MYH8: variants seen among roughly 807,000 people sequenced by gnomAD.
MYH8 encodes the protein myosin heavy chain 8.
A neutral mutation model predicts 233.2 loss-of-function variants in MYH8; 168 were observed. The observed-to-expected ratio is 0.72, with a 90% CI of 0.64 to 0.82. The LOEUF is 0.82. MYH8 is among the 40% of genes least tolerant of loss of function. The pLI, the probability that MYH8 is intolerant of heterozygous loss-of-function variation, is 0.00. For missense variants in MYH8, 1,995 were observed against 2,327.8 expected, an observed-to-expected ratio of 0.86 and a Z score of 2.94; for synonymous variants, 785 against 850.6, an observed-to-expected ratio of 0.92 and a Z score of 1.34.
At position 10,394,377 on chromosome 17, in the gene MYH8, T is replaced by C. The variant is rs2072060177; in HGVS notation, c.5038A>G (p.Arg1680Gly). Reference protein sequence around the residue: ...LKEQLAIVERRANLLQAEIEE... With the variant: ...LKEQLAIVERGANLLQAEIEE... Reference sequence around the variant, plus strand: ...ATCTCAGCCTGCAGCAGGTTGGCTCTGCGCTCCACAATTGCCAGCTGTTCC... The same window carrying C: ...ATCTCAGCCTGCAGCAGGTTGGCTCCGCGCTCCACAATTGCCAGCTGTTCC... The change falls in exon 35 of 40, where the codon AGA becomes GGA. Residue 1680 changes from arginine to glycine, a missense_variant. By Grantham distance (125) the Arg-to-Gly change is moderately radical. Coordinates refer to ENST00000403437, the MANE Select transcript of MYH8 (RefSeq NM_002472.3). The C allele has an allele frequency of 6.2e-7, 1 of 1,614,034 alleles. No homozygotes were observed. The highest frequency in any genetic ancestry group is 1.1e-5 in the South Asian group (1 of 91,074).
rs1440233500 is a variant in MYH8 at position 10,400,205 on chromosome 17, C to T, written c.3735+185G>A. On this transcript the variant is annotated intron_variant, in intron 27 of 39. Coordinates refer to ENST00000403437, the MANE Select transcript of MYH8 (RefSeq NM_002472.3). The surrounding 1 kb of genome is among the most constrained non-coding windows in gnomAD (Gnocchi z 4.0). ...GCGACAGAGTGAGACTCCATCCCCC[C>T]GCTCCAAAAAAAAATCATCTTAATC... Among the ~76,000 whole-genome samples the T allele has an allele frequency of 2.0e-5, 3 of 151,394 alleles. No individual in the cohort carries two copies. The highest frequency in any genetic ancestry group is 3.9e-4 in the East Asian group (2 of 5,166).
chr17:10,397,610 T>C lies in MYH8; in HGVS notation c.4179-624A>G, dbSNP rs144511258. ...AACTCAGGATTTTCAAGACTTCTGA[T>C]TGAGTATGACTGTGGAAAATTATTA... On this transcript the variant is annotated intron_variant, in intron 30 of 39. Transcript: ENST00000403437. Among the ~76,000 whole-genome samples the C allele has an allele frequency of 1.1e-4, 16 of 152,354 alleles. No homozygotes were observed. In the East Asian group the frequency reaches 2.9e-3, roughly 28 times the overall value.
intron 22 of MYH8, 51 bp downstream of exon 22, chr17:10,404,279 G>A (rs2072168082): frequency 6.2e-7 from 1 of 1,610,774 alleles, no homozygotes. Context: ...GTATATGTGT[G>A]TTTCAAAAAA....
In MYH8 at chr17:10,400,864, C is replaced by T; in HGVS notation, c.3345+5G>A. On this transcript the variant is annotated splice_donor_5th_base_variant and intron_variant, in intron 26 of 39. Coordinates refer to ENST00000403437, the MANE Select transcript of MYH8 (RefSeq NM_002472.3). The surrounding 1 kb of genome is among the most constrained non-coding windows in gnomAD (Gnocchi z 4.0). ...TGCAGAAAAAATAGAGGTGAGATGA[C>T]TCACCTGCAACTCTTTGATCTTCTT... 3.7e-6 allele frequency: 6 copies of T among 1,613,808 alleles called. No homozygotes were observed. Among genetic ancestry groups the T allele is most frequent in the Non-Finnish European group, 5.1e-6 (6 of 1,179,984 alleles).
At chr17:10,404,766 C>T (rs1231903797) in intron 21 of MYH8, among the ~76,000 whole-genome samples, 181 bp from the exon 22 acceptor site, 7 of 151,876 alleles carry the variant, frequency 4.6e-5, no homozygotes, top group Non-Finnish European at 7.4e-5. Context: ...CACACATTCT[C>T]GCGCTCACAC....
intron 5 of MYH8, among the ~76,000 whole-genome samples, chr17:10,416,712 A>G (rs191981131): frequency 5.0e-4 from 76 of 152,330 alleles, no homozygotes; most frequent in Admixed American, 6.5e-5. Flanking sequence ...AAACATATAC[A>G]GAAGTAGAGA....
rs886052557 is a variant in MYH8, at chr17:10,395,403, G to T, written c.4692C>A (p.Ile1564=). ...LEHEEGKILR[I]QLELNQVKSE... ...ACTTGACTTGGTTTAACTCAAGCTG[G>T]ATACGCAGAATCTTTCCTTCTTCAT... Residue 1564 remains isoleucine, a synonymous_variant, in exon 34 of 40, where the codon ATC becomes ATA. Transcript: ENST00000403437. The T allele has an allele frequency of 2.5e-6, 4 of 1,614,078 alleles. No individual in the cohort carries two copies. Among genetic ancestry groups the T allele is most frequent in the Non-Finnish European group, 3.4e-6 (4 of 1,179,984 alleles).
rs767877486 is a variant in MYH8, at chr17:10,393,162, G to A, written c.5215C>T (p.Gln1739Ter). The A allele has an allele frequency of 6.2e-7, 1 of 1,614,088 alleles. No individual in the cohort carries two copies. The highest frequency in any genetic ancestry group is 2.2e-5 in the East Asian group (1 of 44,886). ...ACTTCTTCCACTTCACTTTGGAGTTGGGAAACGTCATTTTCTAATTTCTTC... is the reference window on the plus strand; with the variant it reads ...ACTTCTTCCACTTCACTTTGGAGTTAGGAAACGTCATTTTCTAATTTCTTC... ...TKKKLENDVS[Q>*]LQSEVEEVIQ... The change falls in exon 36 of 40, where the codon CAA (glutamine) becomes TAA (stop). Residue 1739 changes from glutamine to a stop codon, truncating the protein, a stop_gained. Transcript: ENST00000403437. LOFTEE classifies it high-confidence loss of function.
chr17:10,411,004 A>G (rs954717206), intron 14 of MYH8, 57 bp from the exon 15 acceptor site: 1 of 1,613,106 alleles, frequency 6.2e-7, no homozygotes, highest in Non-Finnish European at 8.5e-7. Flanking sequence ...AGTAAAATTC[A>G]TTACTGAAAA....
chr17:10,420,898 G>A (rs1034093300), intron 2 of MYH8, among the ~76,000 whole-genome samples: 1 of 152,156 alleles, frequency 6.6e-6, no homozygotes, highest in African/African-American at 2.4e-5. Flanking sequence ...TTTGACATGA[G>A]AGATTTCAGC....
At position 10,414,412 on chromosome 17, in the gene MYH8, G is replaced by A; in HGVS notation, c.878C>T (p.Thr293Ile). 6.2e-7 allele frequency: 1 copy of A among 1,612,922 alleles called. No individual in the cohort carries two copies. Among genetic ancestry groups the A allele is most frequent in the Non-Finnish European group, 8.5e-7 (1 of 1,178,912 alleles). ...ERSYHIFYQITSNKKPDLIEM... is the reference protein window; with the variant it reads ...ERSYHIFYQIISNKKPDLIEM... ...AATTAGATCTGGCTTCTTATTGGAA[G>A]TGATCTGATAAAAAATATGGTAGCT... The change falls in exon 10 of 40, where the codon ACT becomes ATT. Residue 293 changes from threonine to isoleucine, a missense_variant. Physicochemically the swap from Thr to Ile is moderately conservative, Grantham distance 89. This residue lies in a region of MYH8 where 479 missense variants were observed against 600.9 expected (regional missense o/e 0.80). Transcript: ENST00000403437.
chr17:10,414,642 C>T (rs2072273944), intron 9 of MYH8, among the ~76,000 whole-genome samples, 158 bp from the exon 10 acceptor site: 2 of 152,174 alleles, frequency 1.3e-5, no homozygotes, highest in Non-Finnish European at 2.9e-5. Context: ...TTCTCACTGT[C>T]TAAGGGCAGC....
chr17:10,407,031 T>A, intron 17 of MYH8, 52 bp from the exon 18 acceptor site: 1 of 1,427,202 alleles, frequency 7.0e-7, no homozygotes, highest in Non-Finnish European at 9.9e-7. Context: ...TTCAGGTTGT[T>A]TTTTGTAATT....
In MYH8 at chr17:10,401,143, T is replaced by C. The variant is rs1462722902; in HGVS notation, c.3157A>G (p.Arg1053Gly). The C allele has an allele frequency of 9.3e-6, 15 of 1,613,906 alleles. No individual in the cohort carries two copies. Among genetic ancestry groups the C allele is most frequent in the Non-Finnish European group, 7.6e-6 (9 of 1,179,992 alleles). The change falls in exon 25 of 40, where the codon AGA becomes GGA. Residue 1053 changes from arginine to glycine, a missense_variant. Arg to Gly is a moderately radical substitution (Grantham distance 125). This residue lies in a region of MYH8 where 1,498 missense variants were observed against 1,680.9 expected (regional missense o/e 0.89). Transcript: ENST00000403437. ...TCACCCTCCAGTTTCCGCTTTGCTC[T>C]TTCTAGATCCATTCGAAGCTTCTTT... ...QEKKLRMDLERAKRKLEGDLK... is the reference protein window; with the variant it reads ...QEKKLRMDLEGAKRKLEGDLK...
chr17:10,408,739 A>T (rs910868095), intron 17 of MYH8, among the ~76,000 whole-genome samples: 1 of 152,216 alleles, frequency 6.6e-6, no homozygotes, highest in African/African-American at 2.4e-5. Context: ...CTCATTCTCA[A>T]AGAGGAACTC....
Position 10,401,684 on chromosome 17 carries a change from C to T in MYH8, c.2790G>A (p.Glu930=). 3.7e-6 allele frequency: 6 copies of T among 1,614,146 alleles called. No homozygotes were observed. The highest frequency in any genetic ancestry group is 5.1e-6 in the Non-Finnish European group (6 of 1,180,046). ...AKIKEVTERA[E]EEEEINAELT... ...GCTCAGCATTGATCTCTTCCTCCTC[C>T]TCAGCTCTTTCAGTCACCTCTTTGA... The change falls in exon 23 of 40, where the codon GAG becomes GAA. Residue 930 remains glutamate, a synonymous_variant. Coordinates refer to ENST00000403437, the MANE Select transcript of MYH8 (RefSeq NM_002472.3).
At chr17:10,398,665 A>G (rs1462609319) in intron 29 of MYH8, 25 bp from the exon 30 acceptor site, 10 of 1,614,090 alleles carry the variant, frequency 6.2e-6, no homozygotes, top group Non-Finnish European at 7.6e-6. Flanking sequence ...GTTCAGTGAC[A>G]TAAATTCATG....
At position 10,409,572 on chromosome 17, in the gene MYH8, G is replaced by C; in HGVS notation, c.1604C>G (p.Ser535Cys). 1.2e-6 allele frequency: 2 copies of C among 1,614,224 alleles called. No individual in the cohort carries two copies. The highest frequency in any genetic ancestry group is 1.7e-6 in the Non-Finnish European group (2 of 1,180,042). Residue 535 changes from serine to cysteine, a missense_variant, in exon 16 of 40, where the codon TCC (serine) becomes TGC (cysteine). By Grantham distance (112) the Ser-to-Cys change is moderately radical. Around this residue, in one of 3 missense-constraint regions of MYH8, gnomAD observed 1,498 missense variants for 1,680.9 expected, o/e 0.89. Transcript: ENST00000403437. ...GAACATGCACTCCTCTTCCAGGATG[G>C]AGAAGATGCCCAGTGGCTGAATTCA... ...ELIEKPLGIF[S>C]ILEEECMFPK...
At chr17:10,408,232 C>T (rs1292066654) in intron 17 of MYH8, among the ~76,000 whole-genome samples, 1 of 151,964 alleles carries the variant, frequency 6.6e-6, no homozygotes, top group Non-Finnish European at 1.5e-5. Flanking sequence ...AGCCACTGCG[C>T]CCGGCCAAGA....
Sources: allele counts gnomAD v4.1 joint callset (sites outside exome capture counted in the v4.1 genomes callset), GRCh38; gene constraint gnomAD v4.1.1; regional missense constraint gnomAD v4.1.1; non-coding constraint Gnocchi (gnomAD v3.1); transcripts MANE v1.5; gene names NCBI Gene and HGNC (gene_info 2026-07-23, HGNC 2026-07-21).